The following IGF2BP3 variants were observed in gnomAD, a reference collection of about 807,000 sequenced individuals.
The protein encoded by IGF2BP3 is insulin like growth factor 2 mRNA binding protein 3, also known as insulin-like growth factor 2 mRNA-binding protein 3.
In IGF2BP3, 9 loss-of-function variants were observed where a neutral mutation model predicts 73.8. The observed-to-expected ratio is 0.12, with a 90% CI of 0.07 to 0.21. IGF2BP3 has a LOEUF of 0.21. Ranked by LOEUF, IGF2BP3 falls within the 10% of genes least tolerant of loss-of-function variation. IGF2BP3 has a pLI of 1.00. For missense variants in IGF2BP3, 542 were observed against 714.0 expected (o/e 0.76, Z 2.75); for synonymous variants, 258 against 256.7 (o/e 1.01, Z -0.05).
chr7:23,347,783 T>TC, intron 6 of IGF2BP3, 49 bp from the exon 7 acceptor site: 1 of 1,611,052 alleles, frequency 6.2e-7, no homozygotes, highest in Non-Finnish European at 8.5e-7. Context: ...TAAGCGTGTA[T>TC]TCACAGTGGA....
At chr7:23,381,042 A>T (rs1024507461) in intron 3 of IGF2BP3, among the ~76,000 whole-genome samples, 4 of 152,228 alleles carry the variant, frequency 2.6e-5, no homozygotes, top group African/African-American at 7.2e-5. Context: ...TCACTTGTCC[A>T]TGTCTAAATC....
intron 2 of IGF2BP3, among the ~76,000 whole-genome samples, chr7:23,436,773 A>G (rs973005635): frequency 5.9e-5 from 9 of 152,192 alleles, no homozygotes; most frequent in Admixed American, 3.9e-4. Flanking sequence ...TTTGCCTAGG[A>G]AAGTACATTT....
At chr7:23,333,284 C>G (rs1193885203) in intron 10 of IGF2BP3, among the ~76,000 whole-genome samples, 2 of 152,158 alleles carry the variant, frequency 1.3e-5, no homozygotes, top group African/African-American at 4.8e-5. Flanking sequence ...TATTCATTTA[C>G]TTATTAAAAA....
chr7:23,459,664 C>G (rs903977256), intron 2 of IGF2BP3, among the ~76,000 whole-genome samples: 1 of 151,924 alleles, frequency 6.6e-6, no homozygotes, highest in African/African-American at 2.4e-5. Flanking sequence ...AACCCCATCT[C>G]TACTAAAAAT....
chr7:23,326,443 A>C (rs1024646085), intron 10 of IGF2BP3, among the ~76,000 whole-genome samples: 2 of 151,774 alleles, frequency 1.3e-5, no homozygotes, highest in African/African-American at 4.8e-5. Flanking sequence ...ATGTGGAGAA[A>C]TAGGAACACT....
At chr7:23,318,515 G>A (rs977295635) in intron 11 of IGF2BP3, among the ~76,000 whole-genome samples, 11 of 152,034 alleles carry the variant, frequency 7.2e-5, no homozygotes, top group South Asian at 2.1e-4. Context: ...GTGAGCCACC[G>A]CACCTGGCCA....
At chr7:23,326,502 A>G (rs990041439) in intron 10 of IGF2BP3, among the ~76,000 whole-genome samples, 3 of 151,648 alleles carry the variant, frequency 2.0e-5, no homozygotes, top group African/African-American at 2.4e-5. Context: ...TGTGGAAGTC[A>G]GTGTGGCAAT....
Position 23,312,337 on chromosome 7 carries a change from C to T in IGF2BP3, c.*25G>A, listed in dbSNP as rs1562662217. 1 of 1,536,328 alleles carries T rather than the reference C, an allele frequency of 6.5e-7. No individual in the cohort carries two copies. The highest frequency in any genetic ancestry group is 9.0e-7 in the Non-Finnish European group (1 of 1,110,716). ...TCTGTCTTTGGTTTGGCATCTGCCT[C>T]TGTGGTGGGCTGTTTCCTGAGCCTT... is the stretch of plus-strand genomic sequence containing the variant. On this transcript the variant is annotated 3_prime_UTR_variant, in exon 15 of 15. Transcript: ENST00000258729.
At chr7:23,398,834 A>G (rs1014900069) in intron 3 of IGF2BP3, among the ~76,000 whole-genome samples, 8 of 152,282 alleles carry the variant, frequency 5.3e-5, no homozygotes, top group South Asian at 4.1e-4. Flanking sequence ...AGTAGGTTGC[A>G]AAAATTTTCT....
intron 10 of IGF2BP3, among the ~76,000 whole-genome samples, chr7:23,323,868 C>T (rs1451049027): frequency 2.0e-5 from 3 of 151,728 alleles, no homozygotes; most frequent in Non-Finnish European, 4.4e-5. Flanking sequence ...TTCTTTGAAA[C>T]CAACGAGAAC....
At chr7:23,448,177 ATGT>A (rs1788109547) in intron 2 of IGF2BP3, among the ~76,000 whole-genome samples, 1 of 152,226 alleles carries the variant, frequency 6.6e-6, no homozygotes, top group South Asian at 2.1e-4. Context: ...GTCAGAAGAA[ATGT>A]TGATGGGGTC....
intron 2 of IGF2BP3, among the ~76,000 whole-genome samples, chr7:23,454,400 C>T (rs1291506964): frequency 6.6e-6 from 1 of 152,160 alleles, no homozygotes; most frequent in Non-Finnish European, 1.5e-5. Context: ...ACTCCTATGT[C>T]TCCGTATATA....
chr7:23,320,885 G>A (rs1242915903), intron 10 of IGF2BP3, among the ~76,000 whole-genome samples: 1 of 147,798 alleles, frequency 6.8e-6, no homozygotes, highest in Non-Finnish European at 1.5e-5. Context: ...AGGTGGTTCA[G>A]GATGCAGTGA....
chr7:23,346,479 A>G (rs1206038625), intron 7 of IGF2BP3, among the ~76,000 whole-genome samples: 2 of 152,228 alleles, frequency 1.3e-5, no homozygotes, highest in African/African-American at 4.8e-5. Context: ...GGGCATAAGA[A>G]CAGGAAGGGG....
chr7:23,433,953 C>T (rs1395020194), intron 2 of IGF2BP3, among the ~76,000 whole-genome samples: 1 of 152,004 alleles, frequency 6.6e-6, no homozygotes, highest in Non-Finnish European at 1.5e-5. Context: ...AGGCGTGTGC[C>T]TGTAATCCCA....
chr7:23,431,671 G>A (rs898259464), intron 2 of IGF2BP3, among the ~76,000 whole-genome samples: 37 of 152,180 alleles, frequency 2.4e-4, no homozygotes, highest in African/African-American at 5.1e-4. Flanking sequence ...CCCCTACACC[G>A]TAAAATAAAG....
chr7:23,428,755 A>T (rs555268955), intron 2 of IGF2BP3, among the ~76,000 whole-genome samples: 1 of 149,804 alleles, frequency 6.7e-6, no homozygotes, highest in South Asian at 2.1e-4. Flanking sequence ...GAGTCCAAAG[A>T]TATTATTTCA....
intron 3 of IGF2BP3, among the ~76,000 whole-genome samples, chr7:23,397,610 C>T (rs1377683106): frequency 2.6e-5 from 4 of 152,168 alleles, no homozygotes; most frequent in Admixed American, 6.5e-5. Flanking sequence ...AATAGGAATG[C>T]TGCATCCCCT....
In IGF2BP3 at chr7:23,350,344, G is replaced by C. The variant is rs996673928; in HGVS notation, c.683+961C>G. ...AAGGAAAAATAATCTTGCCACTTCTGTAGCTGGCTCAAGGCTTGCACAATG... is the reference window on the plus strand; with the variant it reads ...AAGGAAAAATAATCTTGCCACTTCTCTAGCTGGCTCAAGGCTTGCACAATG... On this transcript the variant is annotated intron_variant, in intron 6 of 14. Transcript: ENST00000258729. Among the ~76,000 whole-genome samples, 25 of 152,200 alleles carry C rather than the reference G, an allele frequency of 1.6e-4. 1 individual carries two copies. Among genetic ancestry groups the C allele is most frequent in the African/African-American group, 5.3e-4 (22 of 41,444 alleles).
Sources: allele counts gnomAD v4.1 joint callset (sites outside exome capture counted in the v4.1 genomes callset), GRCh38; gene constraint gnomAD v4.1.1; transcripts MANE v1.5; gene names NCBI Gene and HGNC (gene_info 2026-07-23, HGNC 2026-07-21).